The following ADAMTSL1 variants were observed in gnomAD, a reference collection of about 807,000 sequenced individuals.
ADAMTSL1 encodes the protein ADAMTS-like protein 1.
In ADAMTSL1, 126 loss-of-function variants were observed where a neutral mutation model predicts 201.8. That is an observed-to-expected ratio of 0.62 (90% confidence interval 0.54 to 0.72). The LOEUF is 0.72. Among genes scored for constraint, ADAMTSL1 ranks in the 30% least tolerant of loss-of-function variants. The pLI, the probability that ADAMTSL1 is intolerant of heterozygous loss-of-function variation, is 0.00. For synonymous variants in ADAMTSL1, 1,121 were observed against 903.4 expected (o/e 1.24, Z -4.32); for missense variants, 2,679 against 2,277.8 (o/e 1.18, Z -3.59).
chr9:18,486,381 C>G (rs953732781), intron 1 of ADAMTSL1, among the ~76,000 whole-genome samples: 1 of 152,222 alleles, frequency 6.6e-6, no homozygotes, highest in Non-Finnish European at 1.5e-5. Flanking sequence ...TCTCAGCGAG[C>G]TTTTAAAAAT....
chr9:18,670,448 G>A (rs368211174), intron 9 of ADAMTSL1, among the ~76,000 whole-genome samples: 95 of 152,202 alleles, frequency 6.2e-4, no homozygotes, highest in Admixed American at 9.8e-4. Context: ...AATCACCCCC[G>A]CTTGCCTGAA....
chr9:18,577,714 A>G lies in ADAMTSL1; in HGVS notation c.474+3448A>G, dbSNP rs372831028. On this transcript the variant is annotated intron_variant, in intron 4 of 28. Transcript: ENST00000380548. ...CTGAAAATTTTAAGTTGAAAAATATATTAAACTAGTGGTTCCCTGTATAAG... is the reference window on the plus strand; with the variant it reads ...CTGAAAATTTTAAGTTGAAAAATATGTTAAACTAGTGGTTCCCTGTATAAG... Among the ~76,000 whole-genome samples the G allele has an allele frequency of 1.9e-4, 29 of 152,346 alleles. 1 individual carries two copies. Among genetic ancestry groups the G allele is most frequent in the African/African-American group, 6.5e-4 (27 of 41,584 alleles).
At chr9:18,097,518 T>C (rs1824304899) in intron 1 of ADAMTSL1, among the ~76,000 whole-genome samples, 2 of 152,338 alleles carry the variant, frequency 1.3e-5, no homozygotes. Context: ...CATTACACTA[T>C]TTTATCTCCA....
chr9:18,778,171 C>G (rs1193818047), intron 19 of ADAMTSL1, among the ~76,000 whole-genome samples: 1 of 152,206 alleles, frequency 6.6e-6, no homozygotes, highest in Non-Finnish European at 1.5e-5. Flanking sequence ...CTGTAGGATC[C>G]CAAAGATAAA....
rs1038505020 is a variant in ADAMTSL1 at position 18,110,315 on chromosome 9, T to G, written c.88-53547T>G. On this transcript the variant is annotated intron_variant, in intron 1 of 29. Coordinates refer to the ADAMTSL1 transcript ENST00000680146. ...TCATTCAGTCCTCTTCAATTCATGTTGCTTCCTCAAAAAGGAACTGGATTT... is the reference window on the plus strand; with the variant it reads ...TCATTCAGTCCTCTTCAATTCATGTGGCTTCCTCAAAAAGGAACTGGATTT... Among the ~76,000 whole-genome samples the G allele has an allele frequency of 5.3e-5, 8 of 152,176 alleles. 1 individual carries two copies. The South Asian group carries it at 1.7e-3, about 32-fold the overall frequency.
At chr9:18,409,821 T>G (rs994467853) in intron 2 of ADAMTSL1, among the ~76,000 whole-genome samples, 1 of 150,122 alleles carries the variant, frequency 6.7e-6, no homozygotes, top group African/African-American at 2.4e-5. Flanking sequence ...ATATATATAA[T>G]GAAAATTTAT....
chr9:18,034,542 G>T (rs1298403058), intron 1 of ADAMTSL1, among the ~76,000 whole-genome samples: 1 of 151,836 alleles, frequency 6.6e-6, no homozygotes, highest in African/African-American at 2.4e-5. Flanking sequence ...AACCAGTTTT[G>T]CCTCTTGACT....
intron 19 of ADAMTSL1, among the ~76,000 whole-genome samples, chr9:18,784,096 A>G (rs1231651469): frequency 6.6e-6 from 1 of 152,206 alleles, no homozygotes; most frequent in East Asian, 1.9e-4. Context: ...AGCAGTACAC[A>G]AATACTTGCT....
At chr9:18,396,160 T>G (rs891034903) in intron 2 of ADAMTSL1, among the ~76,000 whole-genome samples, 2 of 152,030 alleles carry the variant, frequency 1.3e-5, no homozygotes, top group African/African-American at 4.8e-5. Flanking sequence ...TTCATTAAAC[T>G]GTTGGCCTGC....
At chr9:18,770,913 C>G in intron 17 of ADAMTSL1, 132 bp downstream of exon 17, 1 of 1,003,528 alleles carries the variant, frequency 1.0e-6, no homozygotes, top group Non-Finnish European at 1.4e-6. Flanking sequence ...TTTTTGTAAC[C>G]ATATATACCG....
At chr9:18,452,124 G>A (rs1820430735) in intron 2 of ADAMTSL1, among the ~76,000 whole-genome samples, 1 of 151,982 alleles carries the variant, frequency 6.6e-6, no homozygotes, top group Non-Finnish European at 1.5e-5. Context: ...TGTTGGTCAG[G>A]CTGGTCTCAA....
intron 23 of ADAMTSL1, among the ~76,000 whole-genome samples, chr9:18,886,307 A>G (rs1381496636): frequency 6.6e-6 from 1 of 150,674 alleles, no homozygotes; most frequent in Non-Finnish European, 1.5e-5. Flanking sequence ...AATTGTAGCT[A>G]CTTGGGAGTT....
intron 2 of ADAMTSL1, among the ~76,000 whole-genome samples, chr9:18,449,672 A>C (rs576108699): frequency 6.6e-6 from 1 of 152,196 alleles, no homozygotes; most frequent in Non-Finnish European, 1.5e-5. Flanking sequence ...AAGACCTCTC[A>C]CAACTCAGTA....
At chr9:18,154,359 G>A (rs935997791) in intron 1 of ADAMTSL1, among the ~76,000 whole-genome samples, 4 of 152,032 alleles carry the variant, frequency 2.6e-5, no homozygotes, top group Non-Finnish European at 5.9e-5. Context: ...GCACTCTTTG[G>A]AGAGCTTAGC....
intron 1 of ADAMTSL1, among the ~76,000 whole-genome samples, chr9:18,127,797 T>G (rs1825800582): frequency 6.6e-6 from 1 of 152,090 alleles, no homozygotes; most frequent in South Asian, 2.1e-4. Context: ...ACTTGCCATG[T>G]TTTGGAAGTA....
At chr9:18,889,889 C>T (rs1829139810) in intron 25 of ADAMTSL1, 141 bp downstream of exon 25, 10 of 790,804 alleles carry the variant, frequency 1.3e-5, no homozygotes, top group South Asian at 3.4e-5. Flanking sequence ...TAGGCACAGG[C>T]TTATCAGGCC....
At chr9:18,604,262 A>G (rs1299457748) in intron 4 of ADAMTSL1, among the ~76,000 whole-genome samples, 21 of 152,236 alleles carry the variant, frequency 1.4e-4, no homozygotes, top group Non-Finnish European at 1.5e-5. Flanking sequence ...TCCAACAATT[A>G]CATAGGGTAG....
intron 2 of ADAMTSL1, among the ~76,000 whole-genome samples, chr9:18,253,312 G>T (rs1831541443): frequency 6.6e-6 from 1 of 152,160 alleles, no homozygotes; most frequent in Non-Finnish European, 1.5e-5. Context: ...GACCCTGGGT[G>T]GATGGAGATG....
rs541504335 is a variant in ADAMTSL1, at chr9:18,895,695, A to C, written c.4851+3099A>C. The stretch of plus-strand genomic sequence containing the variant: ...AGATCTGAGAAGACCTTACGCTTTC[A>C]CCTCAGACTGATTACTATGCTCAGA... On this transcript the variant is annotated intron_variant, in intron 26 of 28. Transcript: ENST00000380548. Among the ~76,000 whole-genome samples the C allele has an allele frequency of 2.0e-5, 3 of 152,278 alleles. No homozygotes were observed. The East Asian group carries it at 5.8e-4, about 29-fold the overall frequency.
Sources: gnomAD v4.1 joint callset for allele counts (sites outside exome capture counted in the v4.1 genomes callset) on GRCh38, gnomAD v4.1.1 for gene constraint, MANE v1.5 for transcripts, NCBI Gene and HGNC (gene_info 2026-07-23, HGNC 2026-07-21) for gene names.